The following CORO7 variants were observed in gnomAD, a reference collection of about 807,000 sequenced individuals.
The protein encoded by CORO7 is coronin 7.
CORO7 carries 107 observed loss-of-function variants against 126.6 expected under a neutral mutation model. The ratio of observed to expected loss-of-function variants is 0.85; its 90% CI spans 0.72 to 0.99. The LOEUF is 0.99. Ranked by LOEUF, CORO7 falls within the 50% of genes least tolerant of loss-of-function variation. The pLI is 0.00. For synonymous variants in CORO7, 603 were observed against 536.8 expected (o/e 1.12, Z -1.70); for missense variants, 1,314 against 1,255.8 (o/e 1.05, Z -0.70).
chr16:4,355,515 A>G, intron 26 of CORO7, 143 bp from the exon 27 acceptor site: 1 of 902,454 alleles, frequency 1.1e-6, no homozygotes. Flanking sequence ...CCCAGGCTGG[A>G]TGGAGTGCAG....
chr16:4,412,995 G>A (rs1421039383), intron 2 of CORO7: 2 of 320,644 alleles, frequency 6.2e-6, no homozygotes, highest in Admixed American at 4.6e-5. Flanking sequence ...AGCCATCCAG[G>A]GCCCAAAGAT....
In CORO7 at chr16:4,365,068, G is replaced by A; in HGVS notation, c.841-8C>T. ...GTACAGCTGCCTCTCGCCCTGAAATGAGTCTGAACTGAGCCCCGTTTGCTG... is the reference window on the plus strand; with the variant it reads ...GTACAGCTGCCTCTCGCCCTGAAATAAGTCTGAACTGAGCCCCGTTTGCTG... On this transcript the variant is annotated splice_polypyrimidine_tract_variant and splice_region_variant and intron_variant, in intron 10 of 27. Transcript: ENST00000251166. 2 of 1,594,148 alleles carry A rather than the reference G, an allele frequency of 1.3e-6. No homozygotes were observed. Among genetic ancestry groups the A allele is most frequent in the Non-Finnish European group, 1.7e-6 (2 of 1,170,464 alleles).
chr16:4,400,168 G>C (rs941320436), intron 6 of CORO7, among the ~76,000 whole-genome samples: 2 of 152,162 alleles, frequency 1.3e-5, no homozygotes, highest in African/African-American at 4.8e-5. Flanking sequence ...ATACAACACA[G>C]ACTGACCCCT....
At chr16:4,377,831 A>G (rs1340838365) in intron 9 of CORO7, among the ~76,000 whole-genome samples, 1 of 152,116 alleles carries the variant, frequency 6.6e-6, no homozygotes, top group Admixed American at 6.5e-5. Flanking sequence ...CGCACATTTT[A>G]CGGGGCTGGG....
At chr16:4,408,126 G>A (rs2056073872) in intron 4 of CORO7, 55 bp downstream of exon 4, 2 of 1,612,476 alleles carry the variant, frequency 1.2e-6, no homozygotes, top group African/African-American at 1.3e-5. Flanking sequence ...GGGCTCAGAA[G>A]GCCCTGGACT....
intron 9 of CORO7, among the ~76,000 whole-genome samples, chr16:4,387,602 T>G (rs1432701774): frequency 1.3e-5 from 1 of 78,550 alleles, no homozygotes; most frequent in Admixed American, 1.7e-4. Flanking sequence ...TCCACCCTCC[T>G]ATCATAGCCT....
In CORO7 at chr16:4,393,924, C is replaced by A. The variant is rs1185742975; in HGVS notation, c.615+1365G>T. 3.3e-5 allele frequency among the ~76,000 whole-genome samples: 5 copies of A among 152,068 alleles called. No homozygotes were observed. The East Asian group carries it at 7.7e-4, about 24-fold the overall frequency. On this transcript the variant is annotated intron_variant, in intron 7 of 27. Transcript: ENST00000251166. ...GACCAGCCTGACCAACATGGTGAAA[C>A]CCCGTCTCCACTAAAAATACAAAAA...
In CORO7 at chr16:4,362,814, G is replaced by GGGTCACCACTCTGGGCCCCC; in HGVS notation, c.1276-96_1276-77dup. 1 of 1,271,102 alleles carries GGGTCACCACTCTGGGCCCCC rather than the reference G, an allele frequency of 7.9e-7. No homozygotes were observed. The highest frequency in any genetic ancestry group is 9.9e-7 in the Non-Finnish European group (1 of 1,006,598). The allele number at this position is 1,271,102 out of a possible 1,614,324, so 78.7% of individuals were successfully genotyped here. ...AAGGAGGGGGTGCCAGCGGACTCCA[G>GGGTCACCACTCTGGGCCCCC]GGTCACCACTCTGGGCCCCCTGCGG... On this transcript the variant is annotated intron_variant, in intron 14 of 27. Coordinates refer to ENST00000251166, the MANE Select transcript of CORO7 (RefSeq NM_024535.5). The surrounding 1 kb of genome is among the most constrained non-coding windows in gnomAD (Gnocchi z 5.3).
intron 26 of CORO7, 143 bp downstream of exon 26, chr16:4,357,025 T>C (rs2053996821): frequency 2.7e-6 from 3 of 1,122,712 alleles, no homozygotes; most frequent in Admixed American, 2.1e-5. Flanking sequence ...CTCTGGAAGG[T>C]CTCCCCACCA....
chr16:4,384,957 TGGTGGCAGGGGGCAGTGGCGGGGG>T (rs1281384587), intron 9 of CORO7, among the ~76,000 whole-genome samples: 1 of 127,104 alleles, frequency 7.9e-6, no homozygotes, highest in Non-Finnish European at 1.7e-5. Context: ...CCGAGTGGGA[TGGTGGCAGGGGGCAGTGGCGGGGG>T]GGTGGCAGGG....
chr16:4,390,023 CA>C (rs1323995761), intron 7 of CORO7, among the ~76,000 whole-genome samples: 2 of 152,210 alleles, frequency 1.3e-5, no homozygotes, highest in African/African-American at 4.8e-5. Flanking sequence ...GTATTTGAGC[CA>C]CACACTATTC....
chr16:4,416,416 CG>C (rs1567311581), intron 1 of CORO7, 42 bp downstream of exon 1: 9 of 1,522,814 alleles, frequency 5.9e-6, no homozygotes, highest in Admixed American at 2.2e-5. Flanking sequence ...GGCAGCCGGA[CG>C]GGGCCCGAGG....
chr16:4,416,362 G>C (rs2056411920), intron 1 of CORO7, 97 bp downstream of exon 1: 12 of 1,381,508 alleles, frequency 8.7e-6, no homozygotes, highest in Non-Finnish European at 1.1e-5. Context: ...CGGGGTTCCA[G>C]ACGGCCCTGG....
At chr16:4,355,208 G>A in intron 27 of CORO7, 45 bp from the exon 28 acceptor site, 2 of 1,583,666 alleles carry the variant, frequency 1.3e-6, no homozygotes, top group Non-Finnish European at 1.7e-6. Context: ...GGAGGGCCTG[G>A]GAAGGGAGGA....
chr16:4,388,677 T>C (rs776302093), intron 7 of CORO7, 46 bp from the exon 8 acceptor site: 2 of 1,574,506 alleles, frequency 1.3e-6, no homozygotes, highest in African/African-American at 1.3e-5. Context: ...GCCCTGCTGG[T>C]GGGCGGGGCC....
At chr16:4,388,489 G>A in intron 8 of CORO7, 56 bp downstream of exon 8, 1 of 1,575,452 alleles carries the variant, frequency 6.3e-7, no homozygotes, top group Non-Finnish European at 8.6e-7. Context: ...CCCGCCCAAA[G>A]GGCTGGACAT....
chr16:4,382,802 G>A (rs755454038), intron 9 of CORO7: 33 of 1,591,350 alleles, frequency 2.1e-5, no homozygotes, highest in Middle Eastern at 1.7e-4. Context: ...GAGGGCGGTG[G>A]AGAGGCCCTG....
At chr16:4,355,560 C>T in intron 26 of CORO7, 188 bp from the exon 27 acceptor site, 2 of 627,024 alleles carry the variant, frequency 3.2e-6, no homozygotes, top group South Asian at 4.0e-5. Context: ...GCTCTGCCTC[C>T]CGGGTTTACA....
At chr16:4,406,708 A>G (rs1184053568) in intron 5 of CORO7, among the ~76,000 whole-genome samples, 1 of 150,556 alleles carries the variant, frequency 6.6e-6, no homozygotes, top group African/African-American at 2.5e-5. Flanking sequence ...TTCGCTCTCC[A>G]TAGCCACTGC....
Sources: gnomAD v4.1 joint callset for allele counts (sites outside exome capture counted in the v4.1 genomes callset) on GRCh38, gnomAD v4.1.1 for gene constraint, Gnocchi (gnomAD v3.1) non-coding constraint, MANE v1.5 for transcripts, NCBI Gene and HGNC (gene_info 2026-07-23, HGNC 2026-07-21) for gene names.